The following FLRT1 variants were observed in gnomAD, a reference collection of about 807,000 sequenced individuals.
FLRT1 encodes the protein leucine-rich repeat transmembrane protein FLRT1.
FLRT1 carries 14 observed loss-of-function variants against 30.9 expected under a neutral mutation model. That is an observed-to-expected ratio of 0.45 (90% CI 0.30 to 0.71). The LOEUF (loss-of-function observed/expected upper bound fraction) is 0.71, where lower values mean the gene tolerates loss of function less well. FLRT1 is among the 30% of genes least tolerant of loss of function. The pLI is 0.08. For synonymous variants in FLRT1, 368 were observed against 430.4 expected, an observed-to-expected ratio of 0.85 and a Z score of 1.80; for missense variants, 737 against 949.2, an observed-to-expected ratio of 0.78 and a Z score of 2.94.
chr11:64,057,668 C>T (rs895526376), intron 1 of FLRT1, among the ~76,000 whole-genome samples: 10 of 152,170 alleles, frequency 6.6e-5, no homozygotes, highest in Non-Finnish European at 1.2e-4. Context: ...CTACAGGGTC[C>T]CCAGGGTGTC....
At chr11:64,084,192 C>G (rs1474465907) in intron 1 of FLRT1, among the ~76,000 whole-genome samples, 2 of 152,188 alleles carry the variant, frequency 1.3e-5, no homozygotes, top group Non-Finnish European at 2.9e-5. Flanking sequence ...GCTGCCTCCC[C>G]CTCCTCTCAG....
intron 1 of FLRT1, among the ~76,000 whole-genome samples, chr11:64,092,218 G>A (rs778788454): frequency 2.0e-5 from 3 of 151,712 alleles, no homozygotes; most frequent in Non-Finnish European, 2.9e-5. Flanking sequence ...ACCCACTAAC[G>A]TCTCCCCTGT....
intron 1 of FLRT1, among the ~76,000 whole-genome samples, chr11:64,074,821 T>C (rs771649089): frequency 3.3e-5 from 5 of 152,098 alleles, no homozygotes; most frequent in Non-Finnish European, 7.4e-5. Flanking sequence ...GGGCTTGGGG[T>C]GGGGAAGCCT....
At position 64,116,432 on chromosome 11, in the gene FLRT1, C is replaced by T; in HGVS notation, c.165C>T (p.Pro55=). 1 of 1,614,084 alleles carries T rather than the reference C, an allele frequency of 6.2e-7. No individual in the cohort carries two copies. Among genetic ancestry groups the T allele is most frequent in the Non-Finnish European group, 8.5e-7 (1 of 1,180,042 alleles). ...AGGTCATCGACAGCACCACCTGCCC[C>T]TCGGTGTGCCGCTGCGACAACGGCT... ...LTEVIDSTTC[P]SVCRCDNGFI... Residue 55 remains proline (P), a synonymous_variant, in exon 3 of 3, where the codon CCC becomes CCT. Transcript: ENST00000682287.
Position 64,069,943 on chromosome 11 carries a change from C to G in FLRT1, c.-1037-33251C>G, listed in dbSNP as rs574858242. 3.3e-5 allele frequency among the ~76,000 whole-genome samples: 5 copies of G among 152,162 alleles called. No individual in the cohort carries two copies. The South Asian group carries it at 1.0e-3, about 32-fold the overall frequency. ...GGCACATGTCACCCTGAGCCCGACT[C>G]GCGCCCAGTGGGATCAATGTCCCTC... On this transcript the variant is annotated intron_variant, in intron 1 of 2. Coordinates refer to ENST00000682287, the MANE Select transcript of FLRT1 (RefSeq NM_013280.5).
At chr11:64,061,108 CTT>C (rs1451001245) in intron 1 of FLRT1, among the ~76,000 whole-genome samples, 1 of 152,174 alleles carries the variant, frequency 6.6e-6, no homozygotes, top group Non-Finnish European at 1.5e-5. Context: ...GCTGGAAGGA[CTT>C]TGGTAATTAT....
chr11:64,112,544 A>C, intron 2 of FLRT1, among the ~76,000 whole-genome samples: 1 of 152,200 alleles, frequency 6.6e-6, no homozygotes, highest in East Asian at 1.9e-4. Flanking sequence ...CAAAACAAAA[A>C]AGATAAAACA....
chr11:64,042,622 T>C (rs1943509892), intron 1 of FLRT1, among the ~76,000 whole-genome samples: 1 of 152,054 alleles, frequency 6.6e-6, no homozygotes, highest in Non-Finnish European at 1.5e-5. Context: ...TGGAAGCCCT[T>C]CCCTGCCTCA....
chr11:64,109,947 T>C (rs1054635983), intron 2 of FLRT1, among the ~76,000 whole-genome samples: 3 of 152,112 alleles, frequency 2.0e-5, no homozygotes, highest in Admixed American at 6.5e-5. Context: ...CTGCAGAAGC[T>C]AGGCCGTGTG....
Position 64,118,488 on chromosome 11 carries a change from A to C in FLRT1, c.*196A>C. 1 of 529,044 alleles carries C rather than the reference A, an allele frequency of 1.9e-6. No homozygotes were observed. The highest frequency in any genetic ancestry group is 3.2e-6 in the Non-Finnish European group (1 of 312,202). 32.8% of individuals were successfully genotyped at this position (529,044 alleles called of 1,614,324 possible). On this transcript the variant is annotated 3_prime_UTR_variant, in exon 3 of 3. Transcript: ENST00000682287. ...GTGACAATTTTTTTTAAAAGAATAG[A>C]AGGCAGGAGGGGGAATTCGACATTG...
intron 1 of FLRT1, among the ~76,000 whole-genome samples, chr11:64,074,051 G>A (rs1012990381): frequency 5.3e-5 from 8 of 152,180 alleles, no homozygotes; most frequent in Non-Finnish European, 8.8e-5. Flanking sequence ...CTGTCAGCCC[G>A]GCCAGCTGGG....
rs764292843 is a variant in FLRT1 at position 64,061,761 on chromosome 11, A to G, written c.-1038+25602A>G. ...GTCACCCAAGCTGGAGTGCAATGGCACGATCACAGCTCACTGCAGCCTCAA... is the reference window on the plus strand; with the variant it reads ...GTCACCCAAGCTGGAGTGCAATGGCGCGATCACAGCTCACTGCAGCCTCAA... On this transcript the variant is annotated intron_variant, in intron 1 of 2. Transcript: ENST00000682287. 1.8e-3 allele frequency among the ~76,000 whole-genome samples: 271 copies of G among 150,274 alleles called. 1 individual carries two copies. Among genetic ancestry groups the G allele is most frequent in the Non-Finnish European group, 6.0e-4 (41 of 67,790 alleles).
In FLRT1 at chr11:64,070,815, A is replaced by G. The variant is rs185139591; in HGVS notation, c.-1037-32379A>G. 3.5e-4 allele frequency among the ~76,000 whole-genome samples: 53 copies of G among 152,328 alleles called. 1 individual carries two copies. Among genetic ancestry groups the G allele is most frequent in the Admixed American group, 2.9e-3 (44 of 15,298 alleles). On this transcript the variant is annotated intron_variant, in intron 1 of 2. Coordinates refer to ENST00000682287, the MANE Select transcript of FLRT1 (RefSeq NM_013280.5). ...GGTGGGAGACGAGGCGTGAACAATA[A>G]TAGTTTTTTGCTCTTTCTCGTTTTG...
chr11:64,069,798 G>A lies in FLRT1; in HGVS notation c.-1037-33396G>A, dbSNP rs567092131. Among the ~76,000 whole-genome samples, 5 of 152,354 alleles carry A rather than the reference G, an allele frequency of 3.3e-5. No homozygotes were observed. In the South Asian group the frequency reaches 1.0e-3, roughly 32 times the overall value. ...CCGCACGCTGCCGGCCACTGCAGAC[G>A]CAGCAGACGCAACAGGCTTCTTATC... On this transcript the variant is annotated intron_variant, in intron 1 of 2. Coordinates refer to ENST00000682287, the MANE Select transcript of FLRT1 (RefSeq NM_013280.5).
At chr11:64,040,978 A>G (rs1386105327) in intron 1 of FLRT1, among the ~76,000 whole-genome samples, 1 of 151,874 alleles carries the variant, frequency 6.6e-6, no homozygotes, top group Non-Finnish European at 1.5e-5. Context: ...GACGGGGTCT[A>G]TTGTCTGGCT....
intron 1 of FLRT1, among the ~76,000 whole-genome samples, chr11:64,089,761 C>A (rs1311923637): frequency 6.6e-6 from 1 of 152,078 alleles, no homozygotes; most frequent in Non-Finnish European, 1.5e-5. Context: ...GCTGCCAGTC[C>A]CGTGGGGGCA....
At chr11:64,060,163 G>T (rs1454901527) in intron 1 of FLRT1, among the ~76,000 whole-genome samples, 6 of 152,262 alleles carry the variant, frequency 3.9e-5, no homozygotes, top group Admixed American at 2.6e-4. Flanking sequence ...AATATTTAAG[G>T]CGCGGACGGC....
intron 1 of FLRT1, among the ~76,000 whole-genome samples, chr11:64,072,175 G>T (rs909137148): frequency 6.6e-6 from 1 of 152,226 alleles, no homozygotes; most frequent in East Asian, 1.9e-4. Flanking sequence ...GGCCTGGGGG[G>T]ACTTGGGGGT....
intron 1 of FLRT1, among the ~76,000 whole-genome samples, chr11:64,049,925 G>C (rs993158738): frequency 6.6e-6 from 1 of 152,204 alleles, no homozygotes; most frequent in African/African-American, 2.4e-5. Flanking sequence ...GGCCCCGGGG[G>C]GGAGGCCAAA....
Sources: gnomAD v4.1 joint callset for allele counts (sites outside exome capture counted in the v4.1 genomes callset) on GRCh38, gnomAD v4.1.1 for gene constraint, MANE v1.5 for transcripts, NCBI Gene and HGNC (gene_info 2026-07-23, HGNC 2026-07-21) for gene names.